PEX5: variants seen among roughly 807,000 people sequenced by gnomAD.
The protein encoded by PEX5 is peroxisomal biogenesis factor 5, also known as PTS1 receptor.
PEX5 carries 52 observed loss-of-function variants against 82.9 expected under a neutral mutation model. That is an observed-to-expected ratio of 0.63 (90% CI 0.50 to 0.79). The LOEUF is 0.79. Ranked by LOEUF, PEX5 falls within the 30% of genes least tolerant of loss-of-function variation. The pLI is 0.00. For missense variants in PEX5, 719 were observed against 815.2 expected, an observed-to-expected ratio of 0.88 and a Z score of 1.44; for synonymous variants, 300 against 318.8, an observed-to-expected ratio of 0.94 and a Z score of 0.63.
At chr12:7,190,279 C>T (rs1337907979) in intron 1 of PEX5, 83 bp from the exon 2 acceptor site, 19 of 1,593,114 alleles carry the variant, frequency 1.2e-5, no homozygotes, top group Non-Finnish European at 1.5e-5. Context: ...CGCCTGTGTG[C>T]CTTCCTCAGA....
At chr12:7,193,288 C>T (rs1419179813) in intron 5 of PEX5, among the ~76,000 whole-genome samples, 3 of 143,668 alleles carry the variant, frequency 2.1e-5, no homozygotes, top group Non-Finnish European at 3.0e-5. Flanking sequence ...GGGTGGAGTG[C>T]AGCGGTGCAA....
At chr12:7,208,404 G>A in intron 12 of PEX5, 53 bp from the exon 13 acceptor site, 4 of 1,378,712 alleles carry the variant, frequency 2.9e-6, no homozygotes, top group Admixed American at 1.8e-5. Context: ...GTGCTCACAT[G>A]TGCCAGTGTC....
intron 1 of PEX5, 36 bp from the exon 2 acceptor site, chr12:7,190,326 T>TG: frequency 6.2e-7 from 1 of 1,610,684 alleles, no homozygotes; most frequent in Non-Finnish European, 8.5e-7. Flanking sequence ...GGGTCTGGCT[T>TG]GGGTACCTCA....
In PEX5 at chr12:7,209,168, A is replaced by C; in HGVS notation, c.1558A>C (p.Asn520His). 6.2e-7 allele frequency: 1 copy of C among 1,613,756 alleles called. No homozygotes were observed. Among genetic ancestry groups the C allele is most frequent in the South Asian group, 1.1e-5 (1 of 91,070 alleles). ...CFTAALSVRP[N>H]DYLLWNKLGA... Reference sequence around the variant, plus strand: ...CACAGCTGCCCTCAGCGTTCGTCCCAATGTGAGCCCAGGGGAGGAATGGAA... The same window carrying C: ...CACAGCTGCCCTCAGCGTTCGTCCCCATGTGAGCCCAGGGGAGGAATGGAA... The change falls in exon 14 of 16, where the codon AAT becomes CAT. Residue 520 changes from asparagine to histidine, a missense_variant and splice_region_variant. By Grantham distance (68) the Asn-to-His change is moderately conservative. Transcript: ENST00000675855.
Position 7,199,067 on chromosome 12 carries a change from G to C in PEX5, c.505G>C (p.Glu169Gln), listed in dbSNP as rs1565693412. The change falls in exon 6 of 16, where the codon GAG becomes CAG. Residue 169 changes from glutamate (E) to glutamine (Q), a missense_variant. Transcript: ENST00000675855. ...TGAGGAATATTTGGAGCAATCAGAG[G>C]AGAAGCTGTGGCTGGGAGAACCTGA... ...WAEEYLEQSE[E>Q]KLWLGEPEGT... The C allele has an allele frequency of 6.2e-7, 1 of 1,610,476 alleles. No individual in the cohort carries two copies. Among genetic ancestry groups the C allele is most frequent in the Non-Finnish European group, 8.5e-7 (1 of 1,178,188 alleles).
intron 11 of PEX5, 91 bp downstream of exon 11, chr12:7,207,893 C>T (rs1214664114): frequency 3.0e-5 from 46 of 1,544,108 alleles, no homozygotes; most frequent in Non-Finnish European, 4.0e-5. Context: ...TGGGTTAGGG[C>T]CTGGGTGATG....
Position 7,210,052 on chromosome 12 carries a change from G to T in PEX5, c.1749G>T (p.Leu583=). The T allele has an allele frequency of 6.2e-7, 1 of 1,614,240 alleles. No individual in the cohort carries two copies. Among genetic ancestry groups the T allele is most frequent in the Non-Finnish European group, 8.5e-7 (1 of 1,180,040 alleles). ...REAVEHFLEA[L]NMQRKSRGPR... ...CTGTGGAGCACTTTCTGGAGGCCCTGAACATGCAGAGGAAAAGCCGGGGCC... is the reference window on the plus strand; with the variant it reads ...CTGTGGAGCACTTTCTGGAGGCCCTTAACATGCAGAGGAAAAGCCGGGGCC... The change falls in exon 16 of 16, where the codon CTG becomes CTT. Residue 583 remains leucine, a synonymous_variant. Transcript: ENST00000675855.
In PEX5 at chr12:7,202,348, G is replaced by A; in HGVS notation, c.750G>A (p.Gln250=). 6.2e-7 allele frequency: 1 copy of A among 1,614,156 alleles called. No homozygotes were observed. The highest frequency in any genetic ancestry group is 8.5e-7 in the Non-Finnish European group (1 of 1,180,014). The change falls in exon 8 of 16, where the codon CAG becomes CAA. Residue 250 remains glutamine (Q), a synonymous_variant. Transcript: ENST00000675855. The stretch of plus-strand genomic sequence containing the variant: ...AGTGGGCAGCAGAGTTTATACAGCA[G>A]CAGGTAGGACATTGTCACTTTCCAG... The part of the protein sequence containing the change: ...AEQWAAEFIQ[Q]QGTSDAWVDQ...
rs1945454908 is a variant in PEX5, at chr12:7,210,641, T to C, written c.*418T>C. ...GTCCAGCTTCCTTGGGCAGTGTAAG[T>C]AGGAGGTTCATCTGCTGTGCGCCTC... On this transcript the variant is annotated 3_prime_UTR_variant, in exon 16 of 16. Coordinates refer to ENST00000675855, the MANE Select transcript of PEX5 (RefSeq NM_001351132.2). 3.1e-6 allele frequency: 1 copy of C among 325,842 alleles called. No individual in the cohort carries two copies. The highest frequency in any genetic ancestry group is 6.0e-6 in the Non-Finnish European group (1 of 167,548). 20.2% of individuals were successfully genotyped at this position (325,842 alleles called of 1,614,324 possible).
chr12:7,207,847 C>T (rs369225346), intron 11 of PEX5, 45 bp downstream of exon 11: 39 of 1,609,282 alleles, frequency 2.4e-5, no homozygotes, highest in Non-Finnish European at 3.1e-5. Context: ...ACTGCTTCCT[C>T]CATCTTGAGA....
At chr12:7,197,634 A>C (rs899536497) in intron 5 of PEX5, among the ~76,000 whole-genome samples, 9 of 151,334 alleles carry the variant, frequency 5.9e-5, no homozygotes, top group Admixed American at 3.3e-4. Flanking sequence ...TCACATTTTG[A>C]CATTTCATGC....
At chr12:7,191,781 G>C in intron 5 of PEX5, 81 bp downstream of exon 5, 1 of 1,378,292 alleles carries the variant, frequency 7.3e-7, no homozygotes, top group Non-Finnish European at 1.0e-6. Flanking sequence ...GTTATAGTGT[G>C]ATTACGATTT....
In PEX5 at chr12:7,190,382, C is replaced by T; in HGVS notation, c.5C>T (p.Ala2Val). Residue 2 changes from alanine (A) to valine (V), a missense_variant, in exon 2 of 16, where the codon GCA becomes GTA. Transcript: ENST00000675855. M[A>V]MRELVEAECG... ...ATCAGAGAGCTGGCGGTCACCATGG[C>T]AATGCGGGAGCTGGTGGAGGCCGAA... 6.2e-7 allele frequency: 1 copy of T among 1,614,192 alleles called. No individual in the cohort carries two copies. Among genetic ancestry groups the T allele is most frequent in the Non-Finnish European group, 8.5e-7 (1 of 1,180,026 alleles).
downstream of PEX5, among the ~76,000 whole-genome samples, chr12:7,214,876 GTATTA>G (rs773600445): frequency 1.3e-3 from 197 of 151,996 alleles, no homozygotes; most frequent in Middle Eastern, 0.01. Flanking sequence ...AATGATATCA[GTATTA>G]TATTAGTCAA....
chr12:7,200,917 G>GA (rs1431643728), intron 6 of PEX5, among the ~76,000 whole-genome samples: 3 of 152,082 alleles, frequency 2.0e-5, no homozygotes, highest in Admixed American at 2.0e-4. Context: ...GAGAGGGAGA[G>GA]GGAGAGGGAG....
At chr12:7,194,938 G>A (rs12820829) in intron 5 of PEX5, among the ~76,000 whole-genome samples, 63,205 of 152,094 alleles carry the variant, frequency 0.42, 14,971 homozygotes, top group Admixed American at 0.6. Flanking sequence ...TGTATTCATT[G>A]GTTTTCACCG....
chr12:7,201,274 CACACAT>C (rs775870852), intron 6 of PEX5, among the ~76,000 whole-genome samples: 1,473 of 116,496 alleles, frequency 0.013, 13 homozygotes, highest in Non-Finnish European at 0.023. Context: ...CATGTATACA[CACACAT>C]AGACATACAT....
chr12:7,189,958 G>A (rs1396319280), intron 1 of PEX5: 2 of 1,492,184 alleles, frequency 1.3e-6, no homozygotes, highest in Admixed American at 2.8e-5. Flanking sequence ...TGCTCACCGC[G>A]TGCTGGGGCT....
In PEX5 at chr12:7,206,864, C is replaced by T. The variant is rs140442044; in HGVS notation, c.967-795C>T. On this transcript the variant is annotated intron_variant, in intron 10 of 15. Coordinates refer to ENST00000675855, the MANE Select transcript of PEX5 (RefSeq NM_001351132.2). ...TATGATGGTAACTACTCTCCAAAAA[C>T]GGACTTTTTATTTGCATGTCCCAGA... is the stretch of plus-strand genomic sequence containing the variant. Among the ~76,000 whole-genome samples, 34 of 152,312 alleles carry T rather than the reference C, an allele frequency of 2.2e-4. 1 individual carries two copies. Among genetic ancestry groups the T allele is most frequent in the Admixed American group, 1.4e-3 (22 of 15,302 alleles).
Sources: gnomAD v4.1 joint callset for allele counts (sites outside exome capture counted in the v4.1 genomes callset) on GRCh38, gnomAD v4.1.1 for gene constraint, MANE v1.5 for transcripts, NCBI Gene and HGNC (gene_info 2026-07-23, HGNC 2026-07-21) for gene names.